Variants in PTPRD observed in about 807,000 individuals in gnomAD.
PTPRD encodes the protein protein tyrosine phosphatase receptor type D.
In PTPRD, 34 loss-of-function variants were observed where a neutral mutation model predicts 214.5. The observed-to-expected ratio is 0.16, with a 90% CI of 0.12 to 0.21. The LOEUF is 0.21. Among genes scored for constraint, PTPRD ranks in the 10% least tolerant of loss-of-function variants. PTPRD has a pLI of 1.00. For synonymous variants in PTPRD, 1,128 were observed against 845.7 expected, an observed-to-expected ratio of 1.33 and a Z score of -5.79; for missense variants, 2,545 against 2,398.7, an observed-to-expected ratio of 1.06 and a Z score of -1.27.
At chr9:8,832,695 A>C (rs371306127) in intron 11 of PTPRD, among the ~76,000 whole-genome samples, 6 of 152,070 alleles carry the variant, frequency 3.9e-5, no homozygotes, top group Non-Finnish European at 8.8e-5. Flanking sequence ...AAAGAGGATT[A>C]TTTTAAATGT....
rs375095776 is a variant in PTPRD at position 8,587,000 on chromosome 9, A to C, written c.352+46317T>G. ...GTCTCTACTAAAAATACAAAAAATT[A>C]TGCGGGCATGGTGGTGGCGGGTGCC... On this transcript the variant is annotated intron_variant, in intron 14 of 45. Coordinates refer to ENST00000381196, the MANE Select transcript of PTPRD (RefSeq NM_002839.4). Among the ~76,000 whole-genome samples, 9 of 152,190 alleles carry C rather than the reference A, an allele frequency of 5.9e-5. No homozygotes were observed. The East Asian group carries it at 1.4e-3, about 23-fold the overall frequency.
At chr9:10,144,912 C>A (rs1381643207) in intron 3 of PTPRD, among the ~76,000 whole-genome samples, 1 of 151,836 alleles carries the variant, frequency 6.6e-6, no homozygotes, top group Non-Finnish European at 1.5e-5. Flanking sequence ...TATTAAACTA[C>A]AGCATTGTAC....
At position 8,492,953 on chromosome 9, in the gene PTPRD, A is replaced by G. The variant is rs554559913; in HGVS notation, c.2376T>C (p.Pro792=). ...TGACGGTGAGGGAGTAGGAAGTTTC[A>G]GGCTGGAGCCCAGAAATGATCATGT... is the stretch of plus-strand genomic sequence containing the variant. ...EHDMIISGLQ[P]ETSYSLTVTA... Residue 792 remains proline, a synonymous_variant, in exon 27 of 46, where the codon CCT becomes CCC. Transcript: ENST00000381196. The G allele has an allele frequency of 2.5e-6, 4 of 1,613,558 alleles. No homozygotes were observed. In the South Asian group the frequency reaches 4.4e-5, roughly 18 times the overall value.
chr9:10,560,063 T>C (rs1274167650), intron 2 of PTPRD, among the ~76,000 whole-genome samples: 1 of 152,194 alleles, frequency 6.6e-6, no homozygotes, highest in Non-Finnish European at 1.5e-5. Context: ...ACTGGGTATA[T>C]ACCCAAAGGA....
At chr9:9,260,589 G>C (rs1032771022) in intron 9 of PTPRD, among the ~76,000 whole-genome samples, 2 of 151,726 alleles carry the variant, frequency 1.3e-5, no homozygotes, top group Non-Finnish European at 2.9e-5. Flanking sequence ...GCATTTGAAA[G>C]AGTAGGGTGA....
intron 3 of PTPRD, among the ~76,000 whole-genome samples, chr9:10,112,760 G>A (rs1394130008): frequency 6.6e-6 from 1 of 152,196 alleles, no homozygotes; most frequent in African/African-American, 2.4e-5. Context: ...CATTTGCTAG[G>A]AAGAACGAGA....
chr9:9,233,640 C>A (rs1483883214), intron 9 of PTPRD, among the ~76,000 whole-genome samples: 3 of 152,162 alleles, frequency 2.0e-5, no homozygotes, highest in Non-Finnish European at 4.4e-5. Flanking sequence ...TTCCTATATA[C>A]AATTAGGGTA....
At chr9:9,072,600 G>A (rs1318030683) in intron 10 of PTPRD, among the ~76,000 whole-genome samples, 3 of 152,070 alleles carry the variant, frequency 2.0e-5, no homozygotes, top group South Asian at 2.1e-4. Flanking sequence ...CATCTACAGA[G>A]CACCTCTTAT....
chr9:8,768,699 A>G (rs1013367512), intron 11 of PTPRD, among the ~76,000 whole-genome samples: 3 of 152,208 alleles, frequency 2.0e-5, no homozygotes, highest in Non-Finnish European at 2.9e-5. Context: ...TTTTTCCCAT[A>G]AAACTTACTT....
intron 8 of PTPRD, among the ~76,000 whole-genome samples, chr9:9,508,980 G>A (rs187547666): frequency 9.3e-4 from 141 of 151,524 alleles, no homozygotes; most frequent in Non-Finnish European, 1.5e-3. Context: ...TTGTGAAACC[G>A]TTCCAATTGT....
At chr9:9,154,182 C>T (rs2154490530) in intron 10 of PTPRD, among the ~76,000 whole-genome samples, 1 of 152,242 alleles carries the variant, frequency 6.6e-6, no homozygotes, top group East Asian at 1.9e-4. Flanking sequence ...GAGCCTGGAA[C>T]ATTAATGCCA....
intron 5 of PTPRD, among the ~76,000 whole-genome samples, chr9:9,922,952 T>C (rs1194843964): frequency 8.9e-5 from 6 of 67,410 alleles, no homozygotes; most frequent in Non-Finnish European, 2.0e-4. Context: ...ACTGCTAGTA[T>C]TCTAATTCTA....
chr9:8,460,680 G>A, intron 32 of PTPRD, 109 bp from the exon 33 acceptor site: 1 of 1,089,388 alleles, frequency 9.2e-7, no homozygotes, highest in South Asian at 1.7e-5. Context: ...TTAATGATAA[G>A]TGTGTGATGC....
Position 8,562,143 on chromosome 9 carries a change from A to G in PTPRD, c.353-33364T>C, listed in dbSNP as rs550237673. Among the ~76,000 whole-genome samples the G allele has an allele frequency of 8.5e-5, 13 of 152,218 alleles. No homozygotes were observed. The East Asian group carries it at 2.5e-3, about 29-fold the overall frequency. The stretch of plus-strand genomic sequence containing the variant: ...AAAATGGTGACAGTGACAGATTCTG[A>G]TTTTCCCATTTTGATTAACAGAATT... On this transcript the variant is annotated intron_variant, in intron 14 of 45. Transcript: ENST00000381196.
rs150264845 is a variant in PTPRD at position 8,730,976 on chromosome 9, G to A, written c.64+2804C>T. On this transcript the variant is annotated intron_variant, in intron 12 of 45. Transcript: ENST00000381196. ...GAACAGAAATCAGATACAAACACAC[G>A]TCTAGCTTTTTCAAATAATAGTGGA... 2.0e-3 allele frequency among the ~76,000 whole-genome samples: 301 copies of A among 152,206 alleles called. 2 individuals carry two copies. The East Asian group carries it at 0.051, about 26-fold the overall frequency.
At chr9:9,910,106 T>C (rs953946983) in intron 5 of PTPRD, among the ~76,000 whole-genome samples, 1 of 151,954 alleles carries the variant, frequency 6.6e-6, no homozygotes, top group Non-Finnish European at 1.5e-5. Flanking sequence ...AGTTTGTACC[T>C]CAGCTTTCAT....
At chr9:9,668,214 G>A (rs768168532) in intron 7 of PTPRD, among the ~76,000 whole-genome samples, 4 of 152,028 alleles carry the variant, frequency 2.6e-5, no homozygotes, top group African/African-American at 4.8e-5. Context: ...CCGATAAAAC[G>A]AAATCATTCT....
intron 2 of PTPRD, among the ~76,000 whole-genome samples, chr9:10,389,784 T>C (rs1413967294): frequency 6.6e-6 from 1 of 151,900 alleles, no homozygotes; most frequent in Non-Finnish European, 1.5e-5. Flanking sequence ...CATGCTTTCA[T>C]ATTAGTTCGG....
At chr9:10,345,725 A>G (rs891444480) in intron 2 of PTPRD, among the ~76,000 whole-genome samples, 4 of 152,194 alleles carry the variant, frequency 2.6e-5, no homozygotes, top group Admixed American at 2.0e-4. Context: ...CAAAACACAT[A>G]CGTGTGCATA....
Sources: gnomAD v4.1 joint callset for allele counts (sites outside exome capture counted in the v4.1 genomes callset) on GRCh38, gnomAD v4.1.1 for gene constraint, MANE v1.5 for transcripts, NCBI Gene and HGNC (gene_info 2026-07-23, HGNC 2026-07-21) for gene names.